The following FGF12 variants were observed in gnomAD, a reference collection of about 807,000 sequenced individuals.
The protein encoded by FGF12 is fibroblast growth factor 12, also known as fibroblast growth factor 12B.
In FGF12, 14 loss-of-function variants were observed where a neutral mutation model predicts 23.6. The observed-to-expected ratio is 0.59, with a 90% confidence interval of 0.39 to 0.93. The LOEUF is 0.93. Ranked by LOEUF, FGF12 falls within the 40% of genes least tolerant of loss-of-function variation. FGF12 has a pLI of 0.00. For synonymous variants in FGF12, 62 were observed against 77.3 expected, an observed-to-expected ratio of 0.80 and a Z score of 1.04; for missense variants, 175 against 217.8, an observed-to-expected ratio of 0.80 and a Z score of 1.24.
intron 3 of FGF12, among the ~76,000 whole-genome samples, chr3:192,349,396 A>T (rs532341717): frequency 2.0e-5 from 3 of 152,190 alleles, no homozygotes; most frequent in Admixed American, 6.5e-5. Flanking sequence ...ACCCTTTTCC[A>T]CTACTTCAAG....
chr3:192,499,079 T>C (rs1271446401), intron 2 of FGF12, among the ~76,000 whole-genome samples: 1 of 152,196 alleles, frequency 6.6e-6, no homozygotes, highest in African/African-American at 2.4e-5. Context: ...CCTGATATAG[T>C]CTTTGTGTTA....
At chr3:192,447,519 G>A (rs903201031) in intron 2 of FGF12, among the ~76,000 whole-genome samples, 3 of 152,120 alleles carry the variant, frequency 2.0e-5, no homozygotes, top group Admixed American at 1.3e-4. Context: ...AACATTTGAT[G>A]CATTTTTTTC....
intron 4 of FGF12, among the ~76,000 whole-genome samples, chr3:192,173,117 T>C (rs567405725): frequency 6.6e-6 from 1 of 150,914 alleles, no homozygotes; most frequent in East Asian, 1.9e-4. Context: ...CTGTAGTGAT[T>C]ATCAAGGGTT....
At chr3:192,418,706 T>C (rs1016827163) in intron 2 of FGF12, among the ~76,000 whole-genome samples, 2 of 152,110 alleles carry the variant, frequency 1.3e-5, no homozygotes, top group Non-Finnish European at 2.9e-5. Flanking sequence ...TGTTTAAAAG[T>C]ATATGGCACA....
intron 2 of FGF12, among the ~76,000 whole-genome samples, chr3:192,495,506 G>A (rs1723928999): frequency 6.6e-6 from 1 of 152,130 alleles, no homozygotes; most frequent in African/African-American, 2.4e-5. Context: ...ATCATAAAGT[G>A]TTTTAGACCT....
intron 2 of FGF12, among the ~76,000 whole-genome samples, chr3:192,486,835 C>T (rs184515934): frequency 5.3e-5 from 8 of 152,092 alleles, no homozygotes; most frequent in East Asian, 3.9e-4. Flanking sequence ...GACAAGGATA[C>T]GACCTCTTTT....
chr3:192,535,524 G>A (rs189507592), intron 2 of FGF12, among the ~76,000 whole-genome samples: 32 of 152,236 alleles, frequency 2.1e-4, no homozygotes, highest in African/African-American at 7.7e-4. Context: ...CATCTGGAAG[G>A]GACTAAGGAA....
chr3:192,606,712 A>G (rs1401111331), intron 2 of FGF12, among the ~76,000 whole-genome samples: 2 of 152,128 alleles, frequency 1.3e-5, no homozygotes, highest in African/African-American at 4.8e-5. Flanking sequence ...TAAGGGGTTA[A>G]GTAAGCTGTC....
chr3:192,573,860 C>T (rs890730205), intron 2 of FGF12, among the ~76,000 whole-genome samples: 2 of 152,176 alleles, frequency 1.3e-5, no homozygotes, highest in African/African-American at 4.8e-5. Context: ...CTTATCCATG[C>T]CCTTCCTCTT....
chr3:192,391,717 A>G (rs1720299861), intron 2 of FGF12, among the ~76,000 whole-genome samples: 1 of 152,218 alleles, frequency 6.6e-6, no homozygotes, highest in South Asian at 2.1e-4. Flanking sequence ...AATTCTTTCC[A>G]TATTTAGGAT....
At chr3:192,576,590 A>G (rs1712898477) in intron 2 of FGF12, among the ~76,000 whole-genome samples, 1 of 152,230 alleles carries the variant, frequency 6.6e-6, no homozygotes, top group South Asian at 2.1e-4. Flanking sequence ...TACTAAGAGA[A>G]TGATTAAATA....
At chr3:192,713,846 C>A (rs1403767190) in intron 2 of FGF12, among the ~76,000 whole-genome samples, 1 of 152,148 alleles carries the variant, frequency 6.6e-6, no homozygotes, top group Admixed American at 6.5e-5. Flanking sequence ...CTTCCTGGAG[C>A]AGTTTTAAGT....
At chr3:192,301,909 C>A (rs1451423746) in intron 4 of FGF12, among the ~76,000 whole-genome samples, 1 of 152,118 alleles carries the variant, frequency 6.6e-6, no homozygotes, top group Non-Finnish European at 1.5e-5. Flanking sequence ...GGAGCCCGAG[C>A]AACCACCTCT....
chr3:192,568,460 T>A (rs1190894367), intron 2 of FGF12, among the ~76,000 whole-genome samples: 5 of 152,074 alleles, frequency 3.3e-5, no homozygotes, highest in Admixed American at 6.5e-5. Context: ...TGCTGTATCC[T>A]CTCCTTGGGT....
intron 5 of FGF12, among the ~76,000 whole-genome samples, chr3:192,159,975 T>A (rs1714775072): frequency 7.1e-6 from 1 of 140,960 alleles, no homozygotes; most frequent in South Asian, 2.2e-4. Context: ...TGTGTGTGTG[T>A]GTGTACACAT....
chr3:192,292,542 AG>A (rs1458216193), intron 4 of FGF12, among the ~76,000 whole-genome samples: 4 of 152,176 alleles, frequency 2.6e-5, no homozygotes, highest in Non-Finnish European at 4.4e-5. Flanking sequence ...AAATAATGAG[AG>A]GATATTAAAG....
rs901289258 is a variant in FGF12 at position 192,438,300 on chromosome 3, C to T, written c.14-77762G>A. Among the ~76,000 whole-genome samples, 18 of 152,358 alleles carry T rather than the reference C, an allele frequency of 1.2e-4. No homozygotes were observed. The South Asian group carries it at 3.7e-3, about 32-fold the overall frequency. ...ATGACCCTCTACTCTTACCTCTCAT[C>T]CAGATGTTAAAATCATTAAGAACAA... On this transcript the variant is annotated intron_variant, in intron 2 of 5. Transcript: ENST00000445105.
At chr3:192,531,590 G>A (rs1211877851) in intron 2 of FGF12, among the ~76,000 whole-genome samples, 1 of 151,874 alleles carries the variant, frequency 6.6e-6, no homozygotes, top group Non-Finnish European at 1.5e-5. Context: ...AACACCCACT[G>A]GTCGTCCCTA....
intron 2 of FGF12, among the ~76,000 whole-genome samples, chr3:192,416,912 G>A (rs900505038): frequency 6.6e-6 from 1 of 152,004 alleles, no homozygotes; most frequent in Non-Finnish European, 1.5e-5. Context: ...CAGAAAAGCA[G>A]GTATAAGATA....
Sources: gnomAD v4.1 joint callset for allele counts (sites outside exome capture counted in the v4.1 genomes callset) on GRCh38, gnomAD v4.1.1 for gene constraint, MANE v1.5 for transcripts, NCBI Gene and HGNC (gene_info 2026-07-23, HGNC 2026-07-21) for gene names.